NFIA: variants seen among roughly 807,000 people sequenced by gnomAD.
NFIA encodes nuclear factor I A, also known as nuclear factor 1 A-type.
In NFIA, 8 loss-of-function variants were observed where a neutral mutation model predicts 62.8. The observed-to-expected ratio is 0.13, with a 90% CI of 0.07 to 0.23. NFIA has a LOEUF of 0.23. NFIA is among the 10% of genes least tolerant of loss of function. The probability of loss-of-function intolerance (pLI) is 1.00; values close to 1 mark genes in which losing one functional copy is unlikely to be tolerated. For missense variants in NFIA, 410 were observed against 642.1 expected, an observed-to-expected ratio of 0.64 and a Z score of 3.91; for synonymous variants, 235 against 238.1, an observed-to-expected ratio of 0.99 and a Z score of 0.12.
intron 4 of NFIA, among the ~76,000 whole-genome samples, chr1:61,340,820 G>GT (rs1345432626): frequency 6.6e-6 from 1 of 152,200 alleles, no homozygotes; most frequent in Non-Finnish European, 1.5e-5. Context: ...TTCCAATAGA[G>GT]TAAGAGCATG....
chr1:61,441,275 A>G (rs937004796), intron 10 of NFIA, among the ~76,000 whole-genome samples: 1 of 149,096 alleles, frequency 6.7e-6, no homozygotes, highest in African/African-American at 2.5e-5. Context: ...ATTTACTTTC[A>G]TAGACTGCCG....
chr1:61,392,390 C>A (rs1665024692), intron 7 of NFIA, among the ~76,000 whole-genome samples: 1 of 151,886 alleles, frequency 6.6e-6, no homozygotes, highest in Admixed American at 6.6e-5. Context: ...TAAAACTGTA[C>A]CTTTATTGTA....
intron 2 of NFIA, among the ~76,000 whole-genome samples, chr1:61,150,937 G>A (rs979790000): frequency 1.2e-4 from 18 of 152,142 alleles, no homozygotes; most frequent in Non-Finnish European, 2.1e-4. Context: ...GATTGGAGGG[G>A]TTTGTTTCCC....
At chr1:61,276,743 AT>A (rs1657829797) in intron 2 of NFIA, among the ~76,000 whole-genome samples, 2 of 151,950 alleles carry the variant, frequency 1.3e-5, no homozygotes, top group African/African-American at 4.8e-5. Flanking sequence ...AGTTACTTTG[AT>A]TTTCCCTTAT....
chr1:61,346,040 T>A (rs1380388211), intron 4 of NFIA, among the ~76,000 whole-genome samples: 1 of 152,150 alleles, frequency 6.6e-6, no homozygotes, highest in Non-Finnish European at 1.5e-5. Flanking sequence ...TTGGCAGGAT[T>A]GGGAATCTAG....
chr1:61,415,297 A>G (rs1401649737), intron 9 of NFIA, among the ~76,000 whole-genome samples: 2 of 152,204 alleles, frequency 1.3e-5, no homozygotes, highest in Non-Finnish European at 1.5e-5. Context: ...TTTTTATACT[A>G]TTGGAGTAAA....
At chr1:61,143,565 T>C (rs1466489269) in intron 2 of NFIA, among the ~76,000 whole-genome samples, 1 of 152,038 alleles carries the variant, frequency 6.6e-6, no homozygotes, top group Non-Finnish European at 1.5e-5. Context: ...AATTTTTGTA[T>C]TTTTTTGTAC....
At chr1:61,357,586 C>T (rs182044551) in intron 5 of NFIA, among the ~76,000 whole-genome samples, 1 of 152,254 alleles carries the variant, frequency 6.6e-6, no homozygotes, top group African/African-American at 2.4e-5. Flanking sequence ...AAGCCTTTCC[C>T]GAACCCCTGG....
chr1:61,088,762 C>T lies in NFIA; in HGVS notation c.559+82C>T, dbSNP rs1646264844. On this transcript the variant is annotated intron_variant, in intron 2 of 10. Coordinates refer to ENST00000403491, the MANE Select transcript of NFIA (RefSeq NM_001134673.4). This position sits in a 1 kb window ranked among gnomAD's most constrained non-coding sequence, Gnocchi z 4.5. ...GCCTCCGCGTTATGCCGGATTCTTC[C>T]TGAGCTCCCCAAGTTGCAGGCCACG... is the stretch of plus-strand genomic sequence containing the variant. 2 of 1,478,736 alleles carry T rather than the reference C, an allele frequency of 1.4e-6. No individual in the cohort carries two copies. The highest frequency in any genetic ancestry group is 1.8e-6 in the Non-Finnish European group (2 of 1,107,830). The allele number at this position is 1,478,736 out of a possible 1,614,324, so 91.6% of individuals were successfully genotyped here. A position where few individuals can be genotyped will look rare whatever the true frequency, so the allele number is the denominator to read the frequency against.
chr1:61,083,187 G>A (rs1213910593), intron 1 of NFIA, among the ~76,000 whole-genome samples: 2 of 152,112 alleles, frequency 1.3e-5, no homozygotes, highest in Non-Finnish European at 2.9e-5. Context: ...TCCATGACAC[G>A]CAGAAATCTG....
intron 10 of NFIA, among the ~76,000 whole-genome samples, chr1:61,442,411 T>A (rs1172612361): frequency 6.6e-6 from 1 of 152,176 alleles, no homozygotes; most frequent in Admixed American, 6.5e-5. Context: ...TGAACAAGTA[T>A]AAAACACTTT....
intron 3 of NFIA, among the ~76,000 whole-genome samples, chr1:61,283,636 T>C (rs1026069647): frequency 9.4e-5 from 14 of 148,744 alleles, no homozygotes; most frequent in Admixed American, 7.4e-4. Flanking sequence ...TACTTTGTAA[T>C]TTGGGGCTGA....
intron 1 of NFIA, among the ~76,000 whole-genome samples, chr1:61,083,149 C>A (rs1646147584): frequency 6.6e-6 from 1 of 152,198 alleles, no homozygotes; most frequent in African/African-American, 2.4e-5. Context: ...TTTTCGGACA[C>A]CCCGCACGTG....
intron 2 of NFIA, among the ~76,000 whole-genome samples, chr1:61,265,146 G>A (rs1322394136): frequency 6.6e-6 from 1 of 152,108 alleles, no homozygotes; most frequent in Non-Finnish European, 1.5e-5. Flanking sequence ...AAAGTTCACT[G>A]GAAAATCACT....
chr1:61,087,526 C>T (rs1448101682), intron 1 of NFIA, among the ~76,000 whole-genome samples: 2 of 151,680 alleles, frequency 1.3e-5, no homozygotes, highest in Non-Finnish European at 2.9e-5. Flanking sequence ...TAGTTTTTGA[C>T]TAAAAAAATT....
At chr1:61,245,232 A>T (rs994373065) in intron 2 of NFIA, among the ~76,000 whole-genome samples, 1 of 152,180 alleles carries the variant, frequency 6.6e-6, no homozygotes, top group Admixed American at 6.5e-5. Context: ...TAGATTATGT[A>T]TGCAGAATTA....
At chr1:61,221,861 T>G (rs1382110141) in intron 2 of NFIA, among the ~76,000 whole-genome samples, 1 of 152,134 alleles carries the variant, frequency 6.6e-6, no homozygotes, top group Non-Finnish European at 1.5e-5. Context: ...ATAGCCCGTA[T>G]GATGCTGTTG....
chr1:61,323,982 G>T (rs779249679), intron 3 of NFIA, among the ~76,000 whole-genome samples: 1 of 152,154 alleles, frequency 6.6e-6, no homozygotes, highest in Non-Finnish European at 1.5e-5. Flanking sequence ...GGCAAGTGCC[G>T]TAAGACAAGC....
chr1:61,305,118 G>A (rs902586443), intron 3 of NFIA, among the ~76,000 whole-genome samples: 8 of 152,144 alleles, frequency 5.3e-5, no homozygotes, highest in African/African-American at 1.2e-4. Context: ...GTGGAAATGC[G>A]GTGGGCATGG....
Sources: allele counts gnomAD v4.1 joint callset (sites outside exome capture counted in the v4.1 genomes callset), GRCh38; gene constraint gnomAD v4.1.1; non-coding constraint Gnocchi (gnomAD v3.1); transcripts MANE v1.5; gene names NCBI Gene and HGNC (gene_info 2026-07-23, HGNC 2026-07-21).